The following BUB1B variants were observed in gnomAD, a reference collection of about 807,000 sequenced individuals.
BUB1B encodes the protein BUB1 mitotic checkpoint serine/threonine kinase B, also known as mitotic checkpoint serine/threonine-protein kinase BUB1 beta.
A neutral mutation model predicts 137.7 loss-of-function variants in BUB1B; 86 were observed. That is an observed-to-expected ratio of 0.62 (90% confidence interval 0.52 to 0.75). The LOEUF is 0.75. Among genes scored for constraint, BUB1B ranks in the 30% least tolerant of loss-of-function variants. The probability of loss-of-function intolerance (pLI) is 0.00; values close to 1 mark genes in which losing one functional copy is unlikely to be tolerated. For missense variants in BUB1B, 1,130 were observed against 1,236.9 expected, an observed-to-expected ratio of 0.91 and a Z score of 1.30; for synonymous variants, 420 against 417.9, an observed-to-expected ratio of 1.00 and a Z score of -0.06.
Position 40,217,512 on chromosome 15 carries a change from G to A in BUB1B, c.2695G>A (p.Asp899Asn). 6.2e-7 allele frequency: 1 copy of A among 1,613,892 alleles called. No individual in the cohort carries two copies. The highest frequency in any genetic ancestry group is 8.5e-7 in the Non-Finnish European group (1 of 1,179,958). ...TGGGCTCAGAATCCACGATCCCTATGATTGTAACAAGAACAATCAAGCTTT... is the reference window on the plus strand; with the variant it reads ...TGGGCTCAGAATCCACGATCCCTATAATTGTAACAAGAACAATCAAGCTTT... ...ILRNRIHDPY[D>N]CNKNNQALKI... Residue 899 changes from aspartate (D) to asparagine (N), a missense_variant, in exon 21 of 23, where the codon GAT becomes AAT. Asp to Asn is a conservative substitution (Grantham distance 23, BLOSUM62 1). Coordinates refer to ENST00000287598, the MANE Select transcript of BUB1B (RefSeq NM_001211.6).
rs377751129 is a variant in BUB1B, at chr15:40,218,514, A to G, written c.2909A>G (p.Gln970Arg). Residue 970 changes from glutamine to arginine, a missense_variant, in exon 22 of 23, where the codon CAG becomes CGG. Gln to Arg is a conservative substitution (Grantham distance 43). Coordinates refer to ENST00000287598, the MANE Select transcript of BUB1B (RefSeq NM_001211.6). ...TTACTATTGTTCAAGGAACACCTAC[A>G]GGTCTTCTGGGATGGGTCCTTCTGG... ...AHLLLFKEHL[Q>R]VFWDGSFWKL... 1 of 1,614,134 alleles carries G rather than the reference A, an allele frequency of 6.2e-7. No individual in the cohort carries two copies. Among genetic ancestry groups the G allele is most frequent in the South Asian group, 1.1e-5 (1 of 91,074 alleles).
intron 8 of BUB1B, among the ~76,000 whole-genome samples, chr15:40,194,384 A>T (rs371842606): frequency 3.3e-4 from 51 of 152,310 alleles, no homozygotes; most frequent in African/African-American, 1.2e-3. Flanking sequence ...TATAGAAGTG[A>T]CAAGAATGGA....
Position 40,170,099 on chromosome 15 carries a change from GA to G in BUB1B, c.218del (p.Asp73AlafsTer30). ...TGAAATTCGATTTTACACTGGAAAT[GA>G]CCCTCTGGATGTTTGGGATAGGTGG... ...EYEIRFYTGN[D>X]PLDVWDRYIS... On this transcript the variant is annotated frameshift_variant, in exon 3 of 23. Coordinates refer to ENST00000287598, the MANE Select transcript of BUB1B (RefSeq NM_001211.6). LOFTEE classifies it high-confidence loss of function. 1 of 1,613,880 alleles carries G rather than the reference GA, an allele frequency of 6.2e-7. No homozygotes were observed. The highest frequency in any genetic ancestry group is 8.5e-7 in the Non-Finnish European group (1 of 1,179,806).
chr15:40,217,476 T>C lies in BUB1B; in HGVS notation c.2679-20T>C. ...TCATGGCCTATTTTTATTATCTCCTTCTCTTAAATCTGGGCTCAGAATCCA... is the reference window on the plus strand; with the variant it reads ...TCATGGCCTATTTTTATTATCTCCTCCTCTTAAATCTGGGCTCAGAATCCA... On this transcript the variant is annotated intron_variant, in intron 20 of 22. Coordinates refer to ENST00000287598, the MANE Select transcript of BUB1B (RefSeq NM_001211.6). 1 of 1,613,290 alleles carries C rather than the reference T, an allele frequency of 6.2e-7. No individual in the cohort carries two copies. The highest frequency in any genetic ancestry group is 8.5e-7 in the Non-Finnish European group (1 of 1,179,264).
rs1393488506 is a variant in BUB1B, at chr15:40,217,436, G to T, written c.2679-60G>T. 5 of 1,551,924 alleles carry T rather than the reference G, an allele frequency of 3.2e-6. No homozygotes were observed. In the African/African-American group the frequency reaches 4.1e-5, roughly 13 times the overall value. The stretch of plus-strand genomic sequence containing the variant: ...AGGTACCTTTTTTTTTTAAAGACCA[G>T]CTATGCAGCTTCTTTCATGGCCTAT... On this transcript the variant is annotated intron_variant, in intron 20 of 22. Coordinates refer to ENST00000287598, the MANE Select transcript of BUB1B (RefSeq NM_001211.6).
intron 20 of BUB1B, 175 bp from the exon 21 acceptor site, chr15:40,217,321 T>G (rs779302164): frequency 1.4e-4 from 89 of 653,692 alleles, no homozygotes; most frequent in Non-Finnish European, 2.3e-4. Context: ...TCCTTCCGCA[T>G]TGGGTGGACA....
chr15:40,186,430 CTTTTTTTTT>C (rs769074759), intron 8 of BUB1B, among the ~76,000 whole-genome samples: 1 of 67,356 alleles, frequency 1.5e-5, no homozygotes, highest in African/African-American at 5.9e-5. Context: ...TTGCCTAGTT[CTTTTTTTTT>C]TTTTTTTTTT....
chr15:40,161,346 A>T, intron 1 of BUB1B, 91 bp downstream of exon 1: 1 of 1,433,930 alleles, frequency 7.0e-7, no homozygotes, highest in Non-Finnish European at 9.4e-7. Context: ...GTCGAGGGGG[A>T]GATCGGCACC....
Position 40,196,442 on chromosome 15 carries a change from TAATTATTGATGGCCCTTGTA to T in BUB1B, c.1059-95_1059-76del, listed in dbSNP as rs2037498654. ...GTAAGGCCTCCAGATTTGCAGAACA[TAATTATTGATGGCCCTTGTA>T]AATTATTTTTAGCTTCTTTTATCAA... On this transcript the variant is annotated intron_variant, in intron 8 of 22. Coordinates refer to ENST00000287598, the MANE Select transcript of BUB1B (RefSeq NM_001211.6). 10 of 1,106,192 alleles carry T rather than the reference TAATTATTGATGGCCCTTGTA, an allele frequency of 9.0e-6. No individual in the cohort carries two copies. The South Asian group carries it at 1.3e-4, about 15-fold the overall frequency. 68.5% of individuals were successfully genotyped at this position (1,106,192 alleles called of 1,614,324 possible).
intron 22 of BUB1B, among the ~76,000 whole-genome samples, chr15:40,219,998 C>T (rs2037871439): frequency 6.6e-6 from 1 of 152,120 alleles, no homozygotes; most frequent in Non-Finnish European, 1.5e-5. Flanking sequence ...TGGCTATGGT[C>T]CAGGCAGGTC....
At chr15:40,189,191 G>GCT (rs1296698969) in intron 8 of BUB1B, among the ~76,000 whole-genome samples, 1 of 151,794 alleles carries the variant, frequency 6.6e-6, no homozygotes, top group African/African-American at 2.4e-5. Context: ...ACAGAGTCTT[G>GCT]CTCTGTCGCC....
chr15:40,166,530 C>T (rs1052094901), intron 2 of BUB1B: 12 of 280,600 alleles, frequency 4.3e-5, no homozygotes, highest in Non-Finnish European at 7.6e-5. Flanking sequence ...TTAGTAGAGA[C>T]GGGGTTTCAC....
At chr15:40,212,831 C>G (rs906421652) in intron 19 of BUB1B, among the ~76,000 whole-genome samples, 183 bp downstream of exon 19, 2 of 152,006 alleles carry the variant, frequency 1.3e-5, no homozygotes, top group Non-Finnish European at 2.9e-5. Context: ...ATTTTTTTAA[C>G]TTTTTTTGGT....
intron 8 of BUB1B, among the ~76,000 whole-genome samples, chr15:40,190,105 G>A (rs1296557507): frequency 6.6e-6 from 1 of 152,128 alleles, no homozygotes; most frequent in Non-Finnish European, 1.5e-5. Context: ...TCCAGTGGAT[G>A]CCCGAAACTT....
At position 40,196,458 on chromosome 15, in the gene BUB1B, T is replaced by G; in HGVS notation, c.1059-87T>G. On this transcript the variant is annotated intron_variant, in intron 8 of 22. Coordinates refer to ENST00000287598, the MANE Select transcript of BUB1B (RefSeq NM_001211.6). ...TGCAGAACATAATTATTGATGGCCC[T>G]TGTAAATTATTTTTAGCTTCTTTTA... 2.4e-6 allele frequency: 3 copies of G among 1,250,334 alleles called. No homozygotes were observed. In the Admixed American group the frequency reaches 5.5e-5, roughly 23 times the overall value. The allele number at this position is 1,250,334 out of a possible 1,614,324, so 77.5% of individuals were successfully genotyped here. A position where few individuals can be genotyped will look rare whatever the true frequency, so the allele number is the denominator to read the frequency against.
At chr15:40,166,279 T>C in intron 2 of BUB1B, 1 of 389,112 alleles carries the variant, frequency 2.6e-6, no homozygotes, top group Non-Finnish European at 4.9e-6. Context: ...GCTTTATAAA[T>C]AATGTTGCTA....
chr15:40,200,422 T>C (rs1455708556), intron 11 of BUB1B, 63 bp downstream of exon 11: 3 of 1,230,930 alleles, frequency 2.4e-6, no homozygotes, highest in Non-Finnish European at 3.6e-6. Context: ...AACCTTTGAC[T>C]CTCTAGTGCC....
Position 40,198,504 on chromosome 15 carries a change from A to AAACTGACTT in BUB1B, c.1289-1110_1289-1102dup, listed in dbSNP as rs545633581. Among the ~76,000 whole-genome samples the AAACTGACTT allele has an allele frequency of 8.5e-5, 13 of 152,358 alleles. No individual in the cohort carries two copies. The East Asian group carries it at 2.5e-3, about 29-fold the overall frequency. ...AAATGTGGTTTCTAGTTACTGTCAAAAACTGACTTCAAAGACTTGCCAACT... is the reference window on the plus strand; with the variant it reads ...AAATGTGGTTTCTAGTTACTGTCAAAAACTGACTTAACTGACTTCAAAGACTTGCCAACT... On this transcript the variant is annotated intron_variant, in intron 9 of 22. Transcript: ENST00000287598.
At position 40,169,959 on chromosome 15, in the gene BUB1B, GA is replaced by G. The variant is rs2037143064; in HGVS notation, c.180-102del. 4.0e-6 allele frequency: 4 copies of G among 989,776 alleles called. No individual in the cohort carries two copies. The South Asian group carries it at 5.2e-5, about 13-fold the overall frequency. 61.3% of individuals were successfully genotyped at this position (989,776 alleles called of 1,614,324 possible). On this transcript the variant is annotated intron_variant, in intron 2 of 22. Transcript: ENST00000287598. ...CCATAAACTCTAGTGCAATAATTTA[GA>G]TCAATATTACCTACTTATTACATGA...
Sources: gnomAD v4.1 joint callset for allele counts (sites outside exome capture counted in the v4.1 genomes callset) on GRCh38, gnomAD v4.1.1 for gene constraint, MANE v1.5 for transcripts, NCBI Gene and HGNC (gene_info 2026-07-23, HGNC 2026-07-21) for gene names.